Variants in NTRK2 observed in about 807,000 individuals in gnomAD.
The protein encoded by NTRK2 is neurotrophic receptor tyrosine kinase 2.
NTRK2 carries 13 observed loss-of-function variants against 94.5 expected under a neutral mutation model. The observed-to-expected ratio is 0.14, with a 90% confidence interval of 0.09 to 0.22. The LOEUF (loss-of-function observed/expected upper bound fraction) is 0.22, where lower values mean the gene tolerates loss of function less well. Among genes scored for constraint, NTRK2 ranks in the 10% least tolerant of loss-of-function variants. NTRK2 has a pLI of 1.00. For synonymous variants in NTRK2, 372 were observed against 407.4 expected (o/e 0.91, Z 1.05); for missense variants, 639 against 1,071.2 (o/e 0.60, Z 5.63).
rs138161969 is a variant in NTRK2, at chr9:84,805,351, C to T, written c.1396+53266C>T. Among the ~76,000 whole-genome samples, 382 of 152,222 alleles carry T rather than the reference C, an allele frequency of 2.5e-3. 1 individual carries two copies. Among genetic ancestry groups the T allele is most frequent in the African/African-American group, 7.9e-3 (329 of 41,526 alleles). ...GGACCACGTTTTTTTCCCTTTGTCC[C>T]GCATACACTACTGTAATTTTGATCA... is the stretch of plus-strand genomic sequence containing the variant. On this transcript the variant is annotated intron_variant, in intron 12 of 18. Coordinates refer to ENST00000277120, the MANE Select transcript of NTRK2 (RefSeq NM_006180.6).
At chr9:84,821,650 A>T (rs1434088706) in intron 12 of NTRK2, among the ~76,000 whole-genome samples, 4 of 152,200 alleles carry the variant, frequency 2.6e-5, no homozygotes, top group Non-Finnish European at 2.9e-5. Flanking sequence ...TGACTTGGCA[A>T]ATGCTTCCAT....
At chr9:84,958,162 A>G (rs1824402825) in intron 17 of NTRK2, among the ~76,000 whole-genome samples, 1 of 152,160 alleles carries the variant, frequency 6.6e-6, no homozygotes, top group Non-Finnish European at 1.5e-5. Flanking sequence ...TGCTAGAACT[A>G]TATACAGTGG....
At chr9:84,869,180 A>G (rs1227113993) in intron 14 of NTRK2, among the ~76,000 whole-genome samples, 4 of 152,150 alleles carry the variant, frequency 2.6e-5, no homozygotes, top group Non-Finnish European at 5.9e-5. Flanking sequence ...CTTAATCTGG[A>G]GTCTGTGGAG....
In NTRK2 at chr9:85,025,355, T is replaced by G. The variant is rs74840530; in HGVS notation, c.*3918T>G. 2,066 of 233,226 alleles carry G rather than the reference T, an allele frequency of 8.9e-3. 40 individuals are homozygous for G. The highest frequency in any genetic ancestry group is 0.043 in the African/African-American group (1,942 of 45,456). The allele number at this position is 233,226 out of a possible 1,614,324, so 14.4% of individuals were successfully genotyped here. Reference sequence around the variant, plus strand: ...CTGTCTCACTGTGACCCCTTTACACTTGAGTTCAGAGTTCAAGCATTCCAA... The same window carrying G: ...CTGTCTCACTGTGACCCCTTTACACGTGAGTTCAGAGTTCAAGCATTCCAA... On this transcript the variant is annotated 3_prime_UTR_variant, in exon 19 of 19. Coordinates refer to ENST00000277120, the MANE Select transcript of NTRK2 (RefSeq NM_006180.6).
intron 12 of NTRK2, among the ~76,000 whole-genome samples, chr9:84,774,259 G>A (rs1343349768): frequency 6.6e-6 from 1 of 152,176 alleles, no homozygotes; most frequent in Non-Finnish European, 1.5e-5. Context: ...TCAGAAACGA[G>A]GGCCAATGGC....
intron 14 of NTRK2, chr9:84,875,726 G>A (rs1239878277): frequency 4.7e-6 from 5 of 1,053,546 alleles, no homozygotes; most frequent in Non-Finnish European, 4.6e-6. Context: ...ACTTGATGGA[G>A]TTTGCTGTCC....
intron 14 of NTRK2, chr9:84,875,999 A>G: frequency 9.7e-7 from 1 of 1,033,088 alleles, no homozygotes; most frequent in Non-Finnish European, 1.2e-6. Context: ...GAAAGAAAAC[A>G]ATAATATAAT....
At position 84,964,923 on chromosome 9, in the gene NTRK2, C is replaced by T. The variant is rs564275163; in HGVS notation, c.2172+9406C>T. On this transcript the variant is annotated intron_variant, in intron 17 of 18. Transcript: ENST00000277120. The stretch of plus-strand genomic sequence containing the variant: ...CAGCATGGCAAACAAGTTCTCTCAT[C>T]GCTTTAAGACAGTTACTTCCTGTGA... 3.3e-5 allele frequency among the ~76,000 whole-genome samples: 5 copies of T among 152,328 alleles called. No homozygotes were observed. The South Asian group carries it at 1.0e-3, about 32-fold the overall frequency.
intron 14 of NTRK2, among the ~76,000 whole-genome samples, chr9:84,887,561 GA>G (rs2076456305): frequency 6.6e-6 from 1 of 152,210 alleles, no homozygotes; most frequent in South Asian, 2.1e-4. Context: ...GTTTCTAGAA[GA>G]AAATGATTTT....
chr9:84,952,394 A>G (rs1334204697), intron 16 of NTRK2, among the ~76,000 whole-genome samples: 1 of 152,226 alleles, frequency 6.6e-6, no homozygotes, highest in Non-Finnish European at 1.5e-5. Flanking sequence ...AGTCAGGCCC[A>G]TGAACCTGCT....
At chr9:84,762,783 G>T (rs2065698153) in intron 12 of NTRK2, among the ~76,000 whole-genome samples, 1 of 152,130 alleles carries the variant, frequency 6.6e-6, no homozygotes, top group Non-Finnish European at 1.5e-5. Context: ...CTCAGACAAT[G>T]GTGGGTAATC....
chr9:84,955,679 G>T, intron 17 of NTRK2, 162 bp downstream of exon 17: 1 of 726,746 alleles, frequency 1.4e-6, no homozygotes, highest in East Asian at 2.7e-5. Context: ...CCAAGCTCAA[G>T]GTGTGAGTGG....
intron 12 of NTRK2, among the ~76,000 whole-genome samples, chr9:84,759,356 T>C (rs2065351679): frequency 6.6e-6 from 1 of 152,252 alleles, no homozygotes; most frequent in Non-Finnish European, 1.5e-5. Flanking sequence ...TTCTAAGAAT[T>C]GGCTAGAGTA....
rs188351541 is a variant in NTRK2, at chr9:84,797,064, G to A, written c.1396+44979G>A. ...TAGTCTTAATAAATTAGATTCTACC[G>A]CATATTGAATATACCCTGTTAAGTA... is the stretch of plus-strand genomic sequence containing the variant. On this transcript the variant is annotated intron_variant, in intron 12 of 18. Transcript: ENST00000277120. Among the ~76,000 whole-genome samples, 58 of 151,968 alleles carry A rather than the reference G, an allele frequency of 3.8e-4. No homozygotes were observed. The South Asian group carries it at 6.7e-3, about 17-fold the overall frequency.
intron 14 of NTRK2, among the ~76,000 whole-genome samples, chr9:84,907,731 T>C (rs541386009): frequency 6.6e-6 from 1 of 151,628 alleles, no homozygotes; most frequent in South Asian, 2.1e-4. Flanking sequence ...CTTTTCCTGG[T>C]TTTACAGATC....
chr9:84,938,834 T>G (rs2078297577), intron 15 of NTRK2, among the ~76,000 whole-genome samples: 1 of 151,960 alleles, frequency 6.6e-6, no homozygotes, highest in South Asian at 2.1e-4. Flanking sequence ...ATGAATTGCT[T>G]GAGCTCAGGA....
chr9:84,900,169 C>G (rs1191165687), intron 14 of NTRK2, among the ~76,000 whole-genome samples: 1 of 152,184 alleles, frequency 6.6e-6, no homozygotes, highest in Non-Finnish European at 1.5e-5. Context: ...GAAGCGCGCA[C>G]TTCCCTATAG....
intron 12 of NTRK2, chr9:84,811,224 T>G (rs199500743): frequency 9.4e-7 from 1 of 1,063,634 alleles, no homozygotes; most frequent in African/African-American, 1.6e-5. Flanking sequence ...ATGTTTAGCT[T>G]AGGTCTGAGA....
At chr9:84,752,195 T>A in intron 12 of NTRK2, 110 bp downstream of exon 12, 1 of 865,560 alleles carries the variant, frequency 1.2e-6, no homozygotes, top group Non-Finnish European at 1.9e-6. Flanking sequence ...GATTAGGTTT[T>A]AAGGCTAAAA....
Sources: gnomAD v4.1 joint callset for allele counts (sites outside exome capture counted in the v4.1 genomes callset) on GRCh38, gnomAD v4.1.1 for gene constraint, MANE v1.5 for transcripts, NCBI Gene and HGNC (gene_info 2026-07-23, HGNC 2026-07-21) for gene names.